The following TNFAIP8 variants were observed in gnomAD, a reference collection of about 807,000 sequenced individuals.
The protein encoded by TNFAIP8 is TNF alpha induced protein 8.
A neutral mutation model predicts 13.3 loss-of-function variants in TNFAIP8; 7 were observed. The ratio of observed to expected loss-of-function variants is 0.52; its 90% CI spans 0.30 to 0.99. The LOEUF (loss-of-function observed/expected upper bound fraction) is 0.99. Ranked by LOEUF, TNFAIP8 falls within the 50% of genes least tolerant of loss-of-function variation. The pLI, the probability that TNFAIP8 is intolerant of heterozygous loss-of-function variation, is 0.07. For synonymous variants in TNFAIP8, 94 were observed against 87.6 expected (o/e 1.07, Z -0.41); for missense variants, 258 against 236.9 (o/e 1.09, Z -0.58).
chr5:119,289,209 A>G (rs776754923), intron 1 of TNFAIP8, among the ~76,000 whole-genome samples: 1 of 152,240 alleles, frequency 6.6e-6, no homozygotes, highest in African/African-American at 2.4e-5. Context: ...ATAATTTCGC[A>G]AAGGGATACT....
chr5:119,390,985 ATTTTT>A (rs11448031), intron 1 of TNFAIP8, among the ~76,000 whole-genome samples: 1 of 137,538 alleles, frequency 7.3e-6, no homozygotes, highest in Non-Finnish European at 1.5e-5. Flanking sequence ...CACCTGGCTA[ATTTTT>A]TTTTTTTTTT....
At chr5:119,293,775 C>G (rs1215063462) in intron 1 of TNFAIP8, among the ~76,000 whole-genome samples, 1 of 152,154 alleles carries the variant, frequency 6.6e-6, no homozygotes, top group Non-Finnish European at 1.5e-5. Context: ...TGGCAAAATA[C>G]TGGTTATTGT....
intron 1 of TNFAIP8, among the ~76,000 whole-genome samples, chr5:119,316,487 C>T (rs1749899815): frequency 6.6e-6 from 1 of 152,132 alleles, no homozygotes; most frequent in African/African-American, 2.4e-5. Flanking sequence ...GTCCCCTAAT[C>T]ATGTTGATTC....
chr5:119,333,262 A>G (rs1182697958), intron 1 of TNFAIP8: 2 of 1,065,474 alleles, frequency 1.9e-6, no homozygotes, highest in Admixed American at 5.3e-5. Flanking sequence ...GCAGGCAGCA[A>G]CCAGTCCATC....
At chr5:119,362,888 C>A (rs10064783) in intron 1 of TNFAIP8, among the ~76,000 whole-genome samples, 24,532 of 151,930 alleles carry the variant, frequency 0.16, 3,982 homozygotes, top group African/African-American at 0.42. Context: ...CTGGCAAGAA[C>A]CATGAGTTGG....
chr5:119,358,936 C>T (rs915915714), intron 1 of TNFAIP8, among the ~76,000 whole-genome samples: 34 of 152,282 alleles, frequency 2.2e-4, no homozygotes, highest in African/African-American at 7.9e-4. Context: ...GTCTGGCTCG[C>T]TCCTCCATTG....
chr5:119,371,686 C>T (rs1037594509), intron 1 of TNFAIP8, among the ~76,000 whole-genome samples: 8 of 152,168 alleles, frequency 5.3e-5, no homozygotes, highest in African/African-American at 1.9e-4. Flanking sequence ...GAGATAAATT[C>T]AGTATTATTT....
intron 1 of TNFAIP8, among the ~76,000 whole-genome samples, chr5:119,307,573 T>C (rs1277823074): frequency 6.6e-6 from 1 of 152,244 alleles, no homozygotes. Flanking sequence ...ATGTATCCAT[T>C]CATACCATCG....
chr5:119,301,555 C>G (rs1749394768), intron 1 of TNFAIP8, among the ~76,000 whole-genome samples: 1 of 152,212 alleles, frequency 6.6e-6, no homozygotes, highest in Non-Finnish European at 1.5e-5. Context: ...CTCCTTCAGG[C>G]TGGAGACATT....
chr5:119,331,885 C>G (rs17145168), intron 1 of TNFAIP8, among the ~76,000 whole-genome samples: 4,524 of 152,238 alleles, frequency 0.03, 183 homozygotes, highest in African/African-American at 0.097. Flanking sequence ...TTGTAGCTTA[C>G]CCTTGGAATT....
rs772600086 is a variant in TNFAIP8 at position 119,395,831 on chromosome 5, A to ATAG, written c.*2452_*2453insGTA. The ATAG allele has an allele frequency of 6.6e-6, 1 of 152,204 alleles. No homozygotes were observed. The highest frequency in any genetic ancestry group is 1.5e-5 in the Non-Finnish European group (1 of 68,048). The allele number at this position is 152,204 out of a possible 1,614,324, so 9.4% of individuals were successfully genotyped here. ...GGGTAGATAAATCTGAGCCGAGTTA[A>ATAG]TACTAATTTGGGGATCCTATGAACC... is the stretch of plus-strand genomic sequence containing the variant. On this transcript the variant is annotated 3_prime_UTR_variant, in exon 2 of 2. Coordinates refer to ENST00000504771, the MANE Select transcript of TNFAIP8 (RefSeq NM_014350.4).
intron 1 of TNFAIP8, among the ~76,000 whole-genome samples, chr5:119,336,082 A>G (rs1487494294): frequency 2.6e-5 from 4 of 152,054 alleles, no homozygotes; most frequent in Non-Finnish European, 4.4e-5. Flanking sequence ...AACAGTACAG[A>G]GGCTTAAGGG....
At chr5:119,277,044 G>A (rs1748475608) in intron 1 of TNFAIP8, among the ~76,000 whole-genome samples, 2 of 152,156 alleles carry the variant, frequency 1.3e-5, no homozygotes, top group Admixed American at 6.5e-5. Flanking sequence ...TAATAAAATA[G>A]AACAATTATA....
At chr5:119,303,776 C>T in intron 1 of TNFAIP8, among the ~76,000 whole-genome samples, 1 of 152,300 alleles carries the variant, frequency 6.6e-6, no homozygotes, top group Middle Eastern at 3.4e-3. Flanking sequence ...CTTCCCAGTT[C>T]TTTAGTCACA....
chr5:119,346,108 C>A (rs1750893074), intron 1 of TNFAIP8, among the ~76,000 whole-genome samples: 1 of 152,136 alleles, frequency 6.6e-6, no homozygotes, highest in African/African-American at 2.4e-5. Context: ...GGCTCCTGGG[C>A]TGGCAGAGAA....
chr5:119,391,151 C>G (rs1752876874), intron 1 of TNFAIP8, among the ~76,000 whole-genome samples: 1 of 152,064 alleles, frequency 6.6e-6, no homozygotes, highest in Non-Finnish European at 1.5e-5. Flanking sequence ...AATTTTAAAT[C>G]CAACATGGCA....
At chr5:119,276,230 A>C (rs1039037915) in intron 1 of TNFAIP8, among the ~76,000 whole-genome samples, 1 of 151,280 alleles carries the variant, frequency 6.6e-6, no homozygotes, top group African/African-American at 2.4e-5. Flanking sequence ...CGAAGCTCCT[A>C]CCTCAGCCTC....
intron 1 of TNFAIP8, among the ~76,000 whole-genome samples, chr5:119,295,248 TTAGTC>T (rs1749138038): frequency 7.4e-6 from 1 of 134,938 alleles, no homozygotes; most frequent in African/African-American, 2.8e-5. Context: ...GGTCTAACGT[TTAGTC>T]TAACGTTAGA....
At chr5:119,321,654 C>G (rs1750059799) in intron 1 of TNFAIP8, among the ~76,000 whole-genome samples, 1 of 152,162 alleles carries the variant, frequency 6.6e-6, no homozygotes, top group South Asian at 2.1e-4. Context: ...TCCACTTGCC[C>G]TAGCAAATAC....
Sources: allele counts gnomAD v4.1 joint callset (sites outside exome capture counted in the v4.1 genomes callset), GRCh38; gene constraint gnomAD v4.1.1; transcripts MANE v1.5; gene names NCBI Gene and HGNC (gene_info 2026-07-23, HGNC 2026-07-21).